CSMD1: variants seen among roughly 807,000 people sequenced by gnomAD.
CSMD1 encodes the protein CUB and Sushi multiple domains 1, also known as CUB and sushi domain-containing protein 1.
CSMD1 carries 213 observed loss-of-function variants against 417.5 expected under a neutral mutation model. The observed-to-expected ratio is 0.51, with a 90% confidence interval of 0.46 to 0.57. The LOEUF (loss-of-function observed/expected upper bound fraction) is 0.57. Ranked by LOEUF, CSMD1 falls within the 20% of genes least tolerant of loss-of-function variation. The pLI, the probability that CSMD1 is intolerant of heterozygous loss-of-function variation, is 0.00. For synonymous variants in CSMD1, 2,862 were observed against 1,736.8 expected (o/e 1.65, Z -16.11); for missense variants, 6,923 against 4,529.7 (o/e 1.53, Z -15.17).
At chr8:4,015,674 A>T (rs1012286595) in intron 4 of CSMD1, among the ~76,000 whole-genome samples, 28 of 151,062 alleles carry the variant, frequency 1.9e-4, no homozygotes, top group African/African-American at 6.6e-4. Flanking sequence ...AAAAAAAAAA[A>T]AAAAAAAAAC....
chr8:3,211,759 A>G (rs1292106641), intron 30 of CSMD1, among the ~76,000 whole-genome samples: 1 of 152,186 alleles, frequency 6.6e-6, no homozygotes, highest in Non-Finnish European at 1.5e-5. Context: ...CGCACTGGCC[A>G]TGCCTCGTCC....
intron 41 of CSMD1, among the ~76,000 whole-genome samples, chr8:3,141,327 C>G (rs995050770): frequency 6.6e-6 from 1 of 152,182 alleles, no homozygotes; most frequent in South Asian, 2.1e-4. Context: ...CATCTTGCTT[C>G]TAACCTTTAA....
At chr8:3,843,401 G>T (rs961145134) in intron 5 of CSMD1, among the ~76,000 whole-genome samples, 1 of 152,072 alleles carries the variant, frequency 6.6e-6, no homozygotes, top group Admixed American at 6.6e-5. Context: ...AGATATTTCA[G>T]ATATTTAAAG....
intron 10 of CSMD1, among the ~76,000 whole-genome samples, chr8:3,521,583 C>T (rs548545238): frequency 1.3e-5 from 2 of 152,154 alleles, no homozygotes; most frequent in Non-Finnish European, 2.9e-5. Context: ...TACTGACCAT[C>T]ATTGCTCCTT....
intron 3 of CSMD1, among the ~76,000 whole-genome samples, chr8:4,262,946 C>A (rs1263041841): frequency 6.6e-6 from 1 of 152,126 alleles, no homozygotes; most frequent in Non-Finnish European, 1.5e-5. Context: ...ATTAGTTCAG[C>A]CAAGGAAACT....
intron 3 of CSMD1, among the ~76,000 whole-genome samples, chr8:4,043,200 A>G (rs988266823): frequency 3.9e-5 from 6 of 152,340 alleles, no homozygotes; most frequent in African/African-American, 7.2e-5. Flanking sequence ...AGACTGCTAT[A>G]AAGTCTAAAG....
chr8:4,812,145 G>A (rs1385232024), intron 1 of CSMD1, among the ~76,000 whole-genome samples: 2 of 152,182 alleles, frequency 1.3e-5, no homozygotes, highest in East Asian at 1.9e-4. Flanking sequence ...ATGCCCTTCT[G>A]TGAAGCTCAC....
intron 2 of CSMD1, among the ~76,000 whole-genome samples, chr8:4,545,175 G>C (rs1022121681): frequency 1.3e-5 from 2 of 152,178 alleles, no homozygotes; most frequent in African/African-American, 4.8e-5. Context: ...ATATTTGTGA[G>C]AAACAGCTAT....
chr8:4,079,264 A>G (rs1799998530), intron 3 of CSMD1, among the ~76,000 whole-genome samples: 2 of 152,206 alleles, frequency 1.3e-5, no homozygotes, highest in South Asian at 2.1e-4. Context: ...AGAATAAAGT[A>G]TAGGAGTTTA....
At chr8:4,877,428 T>A (rs987691475) in intron 1 of CSMD1, among the ~76,000 whole-genome samples, 5 of 152,098 alleles carry the variant, frequency 3.3e-5, no homozygotes, top group Non-Finnish European at 7.4e-5. Flanking sequence ...ATCAATTATG[T>A]ATTTCTGTCC....
chr8:4,112,223 G>T (rs1213724997), intron 3 of CSMD1, among the ~76,000 whole-genome samples: 1 of 152,060 alleles, frequency 6.6e-6, no homozygotes, highest in Non-Finnish European at 1.5e-5. Context: ...TCTTTCAGGG[G>T]TGTGAAGCTC....
chr8:3,143,079 T>G (rs1818602754), intron 40 of CSMD1, among the ~76,000 whole-genome samples: 1 of 152,230 alleles, frequency 6.6e-6, no homozygotes, highest in Non-Finnish European at 1.5e-5. Flanking sequence ...ACCCAAAAGC[T>G]AACTGATAGC....
chr8:4,027,257 G>T (rs765046442), intron 4 of CSMD1, among the ~76,000 whole-genome samples: 14 of 152,208 alleles, frequency 9.2e-5, no homozygotes, highest in Non-Finnish European at 2.1e-4. Context: ...GCTGATAAAA[G>T]AAATGTTAGG....
intron 2 of CSMD1, among the ~76,000 whole-genome samples, chr8:4,494,931 T>C (rs1460880807): frequency 6.6e-6 from 1 of 151,744 alleles, no homozygotes; most frequent in Non-Finnish European, 1.5e-5. Context: ...AAATACGCAG[T>C]GATATACATA....
chr8:4,318,161 C>A (rs901741046), intron 3 of CSMD1, among the ~76,000 whole-genome samples: 2 of 152,040 alleles, frequency 1.3e-5, no homozygotes, highest in East Asian at 1.9e-4. Context: ...TATGAACATT[C>A]TAATATTGTT....
intron 10 of CSMD1, among the ~76,000 whole-genome samples, chr8:3,506,439 C>T (rs1428292663): frequency 1.3e-5 from 2 of 152,104 alleles, no homozygotes; most frequent in African/African-American, 4.8e-5. Context: ...TGGGTAAGTA[C>T]TCACATTCTC....
intron 2 of CSMD1, among the ~76,000 whole-genome samples, chr8:4,555,354 G>C (rs911226640): frequency 5.9e-5 from 9 of 152,108 alleles, no homozygotes; most frequent in Non-Finnish European, 1.3e-4. Flanking sequence ...GCAATGGATG[G>C]AACATGGGAG....
intron 5 of CSMD1, 99 bp downstream of exon 5, chr8:3,997,804 C>T (rs953757102): frequency 2.8e-6 from 3 of 1,074,892 alleles, no homozygotes; most frequent in Middle Eastern, 2.4e-4. Context: ...ACATGCTTGC[C>T]CATGAACGTC....
chr8:3,498,739 G>A (rs1241157663), intron 10 of CSMD1, among the ~76,000 whole-genome samples: 3 of 151,960 alleles, frequency 2.0e-5, no homozygotes, highest in Non-Finnish European at 2.9e-5. Context: ...CCTGTCTCCA[G>A]GTTCAGAAAT....
Sources: allele counts gnomAD v4.1 joint callset (sites outside exome capture counted in the v4.1 genomes callset), GRCh38; gene constraint gnomAD v4.1.1; transcripts MANE v1.5; gene names NCBI Gene and HGNC (gene_info 2026-07-23, HGNC 2026-07-21).